The following FAM234A variants were observed in gnomAD, a reference collection of about 807,000 sequenced individuals.
The protein encoded by FAM234A is protein FAM234A.
In FAM234A, 42 loss-of-function variants were observed where a neutral mutation model predicts 49.1. The ratio of observed to expected loss-of-function variants is 0.86; its 90% CI spans 0.67 to 1.11. The LOEUF is 1.11. FAM234A is among the 50% of genes least tolerant of loss of function. The pLI is 0.00. For missense variants in FAM234A, 815 were observed against 745.2 expected, an observed-to-expected ratio of 1.09 and a Z score of -1.09; for synonymous variants, 369 against 316.2, an observed-to-expected ratio of 1.17 and a Z score of -1.77.
chr16:269,064 A>T, downstream of FAM234A: 1 of 1,020,202 alleles, frequency 9.8e-7, no homozygotes, highest in Non-Finnish European at 1.5e-6. Context: ...GGGAATCCAC[A>T]CCTGGACCCA....
intron 3 of FAM234A, among the ~76,000 whole-genome samples, chr16:258,674 C>T (rs1338740258): frequency 6.6e-6 from 1 of 152,256 alleles, no homozygotes; most frequent in African/African-American, 2.4e-5. Context: ...GTTGGGTACA[C>T]CTCCCAGACG....
rs774134561 is a variant in FAM234A, at chr16:254,476, G to T, written c.63G>T (p.Ser21=). Residue 21 remains serine, a synonymous_variant, in exon 3 of 13, where the codon TCG becomes TCT. Coordinates refer to ENST00000399932, the MANE Select transcript of FAM234A (RefSeq NM_032039.4). ...IHPLKNEERK[S]QENLGNPSKN... ...CCTTGAAAAATGAAGAAAGAAAATCGCAGGAAAATCTGGGAAATCCATCAA... is the reference window on the plus strand; with the variant it reads ...CCTTGAAAAATGAAGAAAGAAAATCTCAGGAAAATCTGGGAAATCCATCAA... 1.4e-5 allele frequency: 22 copies of T among 1,614,046 alleles called. No individual in the cohort carries two copies. The highest frequency in any genetic ancestry group is 1.8e-5 in the Non-Finnish European group (21 of 1,180,006).
chr16:269,551 T>C, downstream of FAM234A: 1 of 1,613,430 alleles, frequency 6.2e-7, no homozygotes, highest in East Asian at 2.2e-5. Flanking sequence ...GAGGGCCTTG[T>C]ACATGTCAGA....
intron 3 of FAM234A, among the ~76,000 whole-genome samples, chr16:258,428 C>G (rs1567220982): frequency 6.6e-6 from 1 of 152,172 alleles, no homozygotes; most frequent in Non-Finnish European, 1.5e-5. Context: ...CCATTCAACC[C>G]TGAGTGGACA....
In FAM234A at chr16:249,545, C is replaced by T. The variant is rs2050924334; in HGVS notation, c.-139-4C>T. The T allele has an allele frequency of 6.6e-6, 1 of 152,060 alleles. No individual in the cohort carries two copies. The highest frequency in any genetic ancestry group is 2.4e-5 in the African/African-American group (1 of 41,290). 9.4% of individuals were successfully genotyped at this position (152,060 alleles called of 1,614,324 possible). On this transcript the variant is annotated splice_region_variant and splice_polypyrimidine_tract_variant and intron_variant, in intron 1 of 12. Transcript: ENST00000399932. The stretch of plus-strand genomic sequence containing the variant: ...CACTTGACAAGTGGCTTTATGATCC[C>T]TAGGTCCACCTGGGCTTGCGAAGGC...
chr16:241,195 C>T (rs2050599787), intron 1 of FAM234A, among the ~76,000 whole-genome samples: 2 of 151,736 alleles, frequency 1.3e-5, no homozygotes, highest in Admixed American at 1.3e-4. Flanking sequence ...CCCGAAGTTG[C>T]TGGGATTACA....
intron 3 of FAM234A, among the ~76,000 whole-genome samples, chr16:259,061 G>A (rs548564798): frequency 2.0e-5 from 3 of 152,274 alleles, no homozygotes; most frequent in South Asian, 2.1e-4. Flanking sequence ...GATTACAGGC[G>A]TGAGGCACCT....
intron 1 of FAM234A, among the ~76,000 whole-genome samples, chr16:249,025 TAGA>T (rs2050909544): frequency 6.6e-6 from 1 of 152,004 alleles, no homozygotes; most frequent in South Asian, 2.1e-4. Flanking sequence ...GCTTACATAT[TAGA>T]AGAAGGATTA....
downstream of FAM234A, chr16:269,399 C>A (rs916194): frequency 6.3e-7 from 1 of 1,592,356 alleles, no homozygotes; most frequent in Non-Finnish European, 8.6e-7. Flanking sequence ...GGCGAGAAGG[C>A]GGCTGAGAAC....
intron 3 of FAM234A, 40 bp downstream of exon 3, chr16:254,721 C>T (rs898947472): frequency 7.5e-6 from 12 of 1,604,160 alleles, no homozygotes; most frequent in Admixed American, 1.7e-5. Context: ...TCCAAAGCAG[C>T]TCTTCCCAGG....
intron 1 of FAM234A, among the ~76,000 whole-genome samples, chr16:247,985 G>A (rs780160574): frequency 7.2e-5 from 11 of 152,068 alleles, no homozygotes; most frequent in Non-Finnish European, 1.3e-4. Flanking sequence ...GCCCAGTGCT[G>A]GGTTCAGGTG....
At chr16:268,854 C>T (rs1032188098), downstream of FAM234A, 58 of 1,550,210 alleles carry the variant, frequency 3.7e-5, no homozygotes, top group Non-Finnish European at 4.4e-5. Context: ...CGTCTTGTGA[C>T]GGGTGTGTGG....
rs757386253 is a variant in FAM234A at position 264,634 on chromosome 16, C to T, written c.1365C>T (p.His455=). The T allele has an allele frequency of 2.5e-6, 4 of 1,611,088 alleles. No homozygotes were observed. The highest frequency in any genetic ancestry group is 1.7e-5 in the Admixed American group (1 of 60,004). Residue 455 remains histidine, a synonymous_variant, in exon 12 of 13, where the codon CAC becomes CAT. Transcript: ENST00000399932. ...TSETETGEAR[H]SLYMFHPTLP... Reference sequence around the variant, plus strand: ...TCCAGGAGACCGGGGAGGCCCGGCACAGCCTGTACATGTTCCACCCCACCC... The same window carrying T: ...TCCAGGAGACCGGGGAGGCCCGGCATAGCCTGTACATGTTCCACCCCACCC...
rs764754338 is a variant in FAM234A, at chr16:261,390, C to T, written c.584C>T (p.Thr195Ile). 5 of 1,611,588 alleles carry T rather than the reference C, an allele frequency of 3.1e-6. No individual in the cohort carries two copies. The African/African-American group carries it at 6.7e-5, about 22-fold the overall frequency. ...ACCGTGTGCTTGATTCTAGGGGAAA[C>T]CCTGTGGAACCACAGCAGCAGCTTC... ...FIAVNLFTGETLWNHSSSFSG... is the reference protein window; with the variant it reads ...FIAVNLFTGEILWNHSSSFSG... Residue 195 changes from threonine to isoleucine, a missense_variant, in exon 6 of 13, where the codon ACC becomes ATC. Transcript: ENST00000399932.
intron 4 of FAM234A, 68 bp downstream of exon 4, chr16:259,667 C>T (rs756468146): frequency 4.0e-6 from 4 of 997,188 alleles, no homozygotes; most frequent in South Asian, 2.7e-5. Context: ...TTGGGTCACC[C>T]TCTCGCTTTC....
chr16:254,225 C>A, intron 2 of FAM234A, 156 bp from the exon 3 acceptor site: 1 of 675,520 alleles, frequency 1.5e-6, no homozygotes, highest in South Asian at 1.8e-5. Context: ...AAGACTGACA[C>A]CCTAAACATT....
chr16:241,178 G>C (rs148147672), intron 1 of FAM234A, among the ~76,000 whole-genome samples: 6 of 151,892 alleles, frequency 4.0e-5, no homozygotes, highest in African/African-American at 1.5e-4. Context: ...GCCTCCTGCT[G>C]TAGCCTCCCG....
chr16:264,731 G>C lies in FAM234A; in HGVS notation c.1447+15G>C, dbSNP rs759091952. ...CGCCTTTGACGGTGAGTGTGGCCTC[G>C]GCCAGGGACCCGGGTGTTCCGCGGG... On this transcript the variant is annotated intron_variant, in intron 12 of 12. Coordinates refer to ENST00000399932, the MANE Select transcript of FAM234A (RefSeq NM_032039.4). The C allele has an allele frequency of 1.2e-6, 2 of 1,609,500 alleles. No homozygotes were observed. Among genetic ancestry groups the C allele is most frequent in the Admixed American group, 1.7e-5 (1 of 59,996 alleles).
At chr16:268,014 C>T (rs1410755491), downstream of FAM234A, among the ~76,000 whole-genome samples, 2 of 144,956 alleles carry the variant, frequency 1.4e-5, no homozygotes, top group Non-Finnish European at 3.0e-5. Flanking sequence ...CGCACACACA[C>T]CACATATGCA....
Sources: allele counts gnomAD v4.1 joint callset (sites outside exome capture counted in the v4.1 genomes callset), GRCh38; gene constraint gnomAD v4.1.1; transcripts MANE v1.5; gene names NCBI Gene and HGNC (gene_info 2026-07-23, HGNC 2026-07-21).